Variants in TMF1 observed in about 807,000 individuals in gnomAD.
The protein encoded by TMF1 is TATA element modulatory factor 1, also known as TATA element modulatory factor.
In TMF1, 71 loss-of-function variants were observed where a neutral mutation model predicts 126.5. That is an observed-to-expected ratio of 0.56 (90% CI 0.46 to 0.68). The LOEUF is 0.68. Among genes scored for constraint, TMF1 ranks in the 30% least tolerant of loss-of-function variants. The pLI is 0.00. For missense variants in TMF1, 1,259 were observed against 1,253.2 expected (o/e 1.00, Z -0.07); for synonymous variants, 461 against 430.5 (o/e 1.07, Z -0.88).
chr3:69,027,451 A>G (rs1239631265), intron 13 of TMF1, among the ~76,000 whole-genome samples: 2 of 152,190 alleles, frequency 1.3e-5, no homozygotes, highest in African/African-American at 4.8e-5. Flanking sequence ...TTATATTTCA[A>G]GTCCTAGAAA....
At chr3:69,040,394 G>A (rs2091856990) in intron 5 of TMF1, 1 of 152,230 alleles carries the variant, frequency 6.6e-6, no homozygotes, top group Admixed American at 6.5e-5. Flanking sequence ...TGATGTACCT[G>A]TCAAGGAAAA....
Position 69,035,102 on chromosome 3 carries a change from C to T in TMF1, c.2165G>A (p.Arg722Lys). 6.2e-7 allele frequency: 1 copy of T among 1,614,040 alleles called. No homozygotes were observed. The highest frequency in any genetic ancestry group is 8.5e-7 in the Non-Finnish European group (1 of 1,179,948). ...TTGTTCTGTACGCTGCAATGCAAGC[C>T]TAAGGTCCCCCACCTGTAGGAGGAG... ...ETLAIQVGDL[R>K]LALQRTEQAA... The change falls in exon 9 of 17, where the codon AGG (arginine) becomes AAG (lysine). Residue 722 changes from arginine (R) to lysine (K), a missense_variant. Transcript: ENST00000398559.
chr3:69,050,797 A>G (rs2107472439), intron 1 of TMF1, among the ~76,000 whole-genome samples: 1 of 152,336 alleles, frequency 6.6e-6, no homozygotes, highest in South Asian at 2.1e-4. Flanking sequence ...TAAAATTAAG[A>G]ACAGAAACCA....
chr3:69,038,905 T>C lies in TMF1; in HGVS notation c.1932A>G (p.Val644=), dbSNP rs9811018. The C allele has an allele frequency of 1.2e-3, 1,855 of 1,612,864 alleles. 14 individuals carry two copies. In the African/African-American group the frequency reaches 0.023, roughly 20 times the overall value. ...RQEKDLGRLQ[V]DMDELEEKNR... ...TCTTTTCTTCAAGTTCATCCATGTC[T>C]ACCTGAAGACGGCCAAGATCTTTCT... Residue 644 remains valine, a synonymous_variant, in exon 7 of 17, where the codon GTA becomes GTG. Coordinates refer to ENST00000398559, the MANE Select transcript of TMF1 (RefSeq NM_007114.3).
intron 13 of TMF1, 113 bp downstream of exon 13, chr3:69,027,787 G>C: frequency 1.8e-6 from 1 of 558,538 alleles, no homozygotes; most frequent in Non-Finnish European, 3.1e-6. Context: ...GCCAACCAGG[G>C]CCACAGGTTG....
chr3:69,042,987 C>A (rs1470269224), intron 4 of TMF1, 75 bp from the exon 5 acceptor site: 2 of 1,026,188 alleles, frequency 1.9e-6, no homozygotes, highest in African/African-American at 1.6e-5. Flanking sequence ...TCTCCCCCAT[C>A]CAAAGAAGCT....
Position 69,051,820 on chromosome 3 carries a change from G to A in TMF1, c.142+125C>T, listed in dbSNP as rs75062243. 3.6e-3 allele frequency: 4,270 copies of A among 1,173,538 alleles called. 106 individuals carry two copies. The African/African-American group carries it at 0.057, about 16-fold the overall frequency. The allele number at this position is 1,173,538 out of a possible 1,614,324, so 72.7% of individuals were successfully genotyped here. Reference sequence around the variant, plus strand: ...CTGAAGCAGCATTAGGGAACGGGCCGGGGAGAAATTACTTCCTGAAAACTC... The same window carrying A: ...CTGAAGCAGCATTAGGGAACGGGCCAGGGAGAAATTACTTCCTGAAAACTC... On this transcript the variant is annotated intron_variant, in intron 1 of 16. Coordinates refer to ENST00000398559, the MANE Select transcript of TMF1 (RefSeq NM_007114.3).
In TMF1 at chr3:69,022,688, T is replaced by C. The variant is rs999914661; in HGVS notation, c.*489A>G. 22 of 152,564 alleles carry C rather than the reference T, an allele frequency of 1.4e-4. No individual in the cohort carries two copies. Among genetic ancestry groups the C allele is most frequent in the African/African-American group, 4.8e-4 (20 of 41,468 alleles). The allele number at this position is 152,564 out of a possible 1,614,324, so 9.5% of individuals were successfully genotyped here. A position where few individuals can be genotyped will look rare whatever the true frequency, so the allele number is the denominator to read the frequency against. The stretch of plus-strand genomic sequence containing the variant: ...AATAGCCACAGATTTAATAATTTTT[T>C]ACTTTAACACTTAATGTACATTTTC... On this transcript the variant is annotated 3_prime_UTR_variant, in exon 17 of 17. Coordinates refer to ENST00000398559, the MANE Select transcript of TMF1 (RefSeq NM_007114.3).
intron 15 of TMF1, 122 bp downstream of exon 15, chr3:69,025,438 T>G: frequency 1.0e-6 from 1 of 984,036 alleles, no homozygotes; most frequent in Non-Finnish European, 1.5e-6. Context: ...ATTTTGGGCT[T>G]CACATGCCAC....
Position 69,020,410 on chromosome 3 carries a change from C to T in TMF1, c.*2767G>A, listed in dbSNP as rs1213785284. The T allele has an allele frequency of 6.6e-6, 1 of 152,176 alleles. No homozygotes were observed. The highest frequency in any genetic ancestry group is 2.4e-5 in the African/African-American group (1 of 41,458). 9.4% of individuals were successfully genotyped at this position (152,176 alleles called of 1,614,324 possible). On this transcript the variant is annotated 3_prime_UTR_variant, in exon 17 of 17. Transcript: ENST00000398559. ...CTCCCAAGAATTGGAAGGACATCTA[C>T]AGTCTGTGCTTAATTGTCTATAAAT...
At chr3:69,024,802 C>CTTTTTTT (rs71112685) in intron 15 of TMF1, 1 of 99,942 alleles carries the variant, frequency 1.0e-5, no homozygotes, top group African/African-American at 3.9e-5. Context: ...TTTCAAATTT[C>CTTTTTTT]TTTTTTTTTT....
chr3:69,051,821 G>C lies in TMF1; in HGVS notation c.142+124C>G. 6 of 1,187,230 alleles carry C rather than the reference G, an allele frequency of 5.1e-6. No individual in the cohort carries two copies. The South Asian group carries it at 9.6e-5, about 19-fold the overall frequency. 73.5% of individuals were successfully genotyped at this position (1,187,230 alleles called of 1,614,324 possible). On this transcript the variant is annotated intron_variant, in intron 1 of 16. Coordinates refer to ENST00000398559, the MANE Select transcript of TMF1 (RefSeq NM_007114.3). ...TGAAGCAGCATTAGGGAACGGGCCG[G>C]GGAGAAATTACTTCCTGAAAACTCT...
chr3:69,031,300 ATTATTTT>A (rs1474162089), intron 10 of TMF1, among the ~76,000 whole-genome samples: 1 of 152,160 alleles, frequency 6.6e-6, no homozygotes, highest in Non-Finnish European at 1.5e-5. Flanking sequence ...ATTAAGAGTG[ATTATTTT>A]CAGCTAAGAA....
intron 6 of TMF1, 125 bp downstream of exon 6, chr3:69,039,425 TG>T: frequency 9.2e-7 from 1 of 1,088,280 alleles, no homozygotes; most frequent in Non-Finnish European, 1.3e-6. Flanking sequence ...ATTTATCTAT[TG>T]TTTGAAAAAT....
chr3:69,039,698 T>G lies in TMF1; in HGVS notation c.1685-5A>C. 1 of 1,609,460 alleles carries G rather than the reference T, an allele frequency of 6.2e-7. No homozygotes were observed. The highest frequency in any genetic ancestry group is 8.5e-7 in the Non-Finnish European group (1 of 1,178,800). ...GCTGTTTTGAAAGTTTTTCTCCTGG[T>G]GATGGTAAAGAAGTATAAACTCAAA... On this transcript the variant is annotated splice_region_variant and splice_polypyrimidine_tract_variant and intron_variant, in intron 5 of 16. Coordinates refer to ENST00000398559, the MANE Select transcript of TMF1 (RefSeq NM_007114.3).
chr3:69,030,077 G>A, intron 10 of TMF1, 70 bp from the exon 11 acceptor site: 1 of 1,351,340 alleles, frequency 7.4e-7, no homozygotes, highest in Non-Finnish European at 1.0e-6. Flanking sequence ...AGTCAATTCT[G>A]ATTTCAAACA....
At chr3:69,041,912 T>C (rs1312557522) in intron 5 of TMF1, among the ~76,000 whole-genome samples, 1 of 152,172 alleles carries the variant, frequency 6.6e-6, no homozygotes, top group Non-Finnish European at 1.5e-5. Flanking sequence ...AGAGATTCAC[T>C]TGACCACGTT....
intron 2 of TMF1, among the ~76,000 whole-genome samples, chr3:69,045,926 C>T (rs1226773284): frequency 1.3e-5 from 2 of 151,928 alleles, no homozygotes; most frequent in Non-Finnish European, 1.5e-5. Flanking sequence ...AGGCGTGGTG[C>T]GAGCCTATGG....
chr3:69,028,939 T>C (rs2091784038), intron 11 of TMF1, among the ~76,000 whole-genome samples: 1 of 151,726 alleles, frequency 6.6e-6, no homozygotes, highest in Admixed American at 6.6e-5. Flanking sequence ...ATCCTTTCCC[T>C]GGAAAAAAAA....
Sources: allele counts gnomAD v4.1 joint callset (sites outside exome capture counted in the v4.1 genomes callset), GRCh38; gene constraint gnomAD v4.1.1; transcripts MANE v1.5; gene names NCBI Gene and HGNC (gene_info 2026-07-23, HGNC 2026-07-21).